Variants in CRIM1 observed in about 807,000 individuals in gnomAD.
CRIM1 encodes the protein cysteine-rich motor neuron 1 protein.
CRIM1 carries 32 observed loss-of-function variants against 116.4 expected under a neutral mutation model. That is an observed-to-expected ratio of 0.27 (90% confidence interval 0.21 to 0.37). The LOEUF is 0.37. Ranked by LOEUF, CRIM1 falls within the 10% of genes least tolerant of loss-of-function variation. The pLI is 1.00. For synonymous variants in CRIM1, 590 were observed against 509.2 expected, an observed-to-expected ratio of 1.16 and a Z score of -2.13; for missense variants, 1,331 against 1,354.8, an observed-to-expected ratio of 0.98 and a Z score of 0.28.
chr2:36,395,739 G>GT (rs1224895118), intron 1 of CRIM1, among the ~76,000 whole-genome samples: 1 of 152,026 alleles, frequency 6.6e-6, no homozygotes, highest in Non-Finnish European at 1.5e-5. Context: ...CACCACTTTA[G>GT]TTTTTTTGTT....
intron 5 of CRIM1, among the ~76,000 whole-genome samples, chr2:36,468,967 C>T (rs1678270825): frequency 6.6e-6 from 1 of 152,178 alleles, no homozygotes; most frequent in South Asian, 2.1e-4. Flanking sequence ...ATAAAACGTT[C>T]CCCAAGTGAG....
chr2:36,524,204 C>T (rs1261162328), intron 13 of CRIM1, among the ~76,000 whole-genome samples: 3 of 152,160 alleles, frequency 2.0e-5, no homozygotes, highest in South Asian at 4.1e-4. Context: ...ATTTTAGCAC[C>T]GGCTTCTCTG....
intron 1 of CRIM1, among the ~76,000 whole-genome samples, chr2:36,362,913 TG>T (rs1187830783): frequency 6.6e-6 from 1 of 152,052 alleles, no homozygotes; most frequent in African/African-American, 2.4e-5. Context: ...TTCAAGAACT[TG>T]GGGCCGGCCG....
intron 7 of CRIM1, among the ~76,000 whole-genome samples, chr2:36,494,860 T>C (rs1456008521): frequency 6.6e-6 from 1 of 152,160 alleles, no homozygotes; most frequent in African/African-American, 2.4e-5. Flanking sequence ...AGGTATTTCT[T>C]TGATTCCTCA....
intron 7 of CRIM1, among the ~76,000 whole-genome samples, chr2:36,496,667 T>C (rs776763798): frequency 6.6e-6 from 1 of 152,188 alleles, no homozygotes; most frequent in African/African-American, 2.4e-5. Flanking sequence ...ATGCTGAATA[T>C]TTTAGGAAAA....
At chr2:36,368,006 A>C (rs577793975) in intron 1 of CRIM1, among the ~76,000 whole-genome samples, 2 of 152,210 alleles carry the variant, frequency 1.3e-5, no homozygotes, top group African/African-American at 4.8e-5. Flanking sequence ...CCAAATTCAC[A>C]TGCTCATTTC....
intron 1 of CRIM1, among the ~76,000 whole-genome samples, chr2:36,387,228 A>T (rs1558526190): frequency 6.6e-6 from 1 of 152,228 alleles, no homozygotes; most frequent in Non-Finnish European, 1.5e-5. Context: ...GAGACAGCTA[A>T]TGACCTGGCT....
At chr2:36,473,591 G>T (rs538569546) in intron 5 of CRIM1, among the ~76,000 whole-genome samples, 3 of 152,044 alleles carry the variant, frequency 2.0e-5, no homozygotes, top group Admixed American at 6.5e-5. Flanking sequence ...CCTATGATGG[G>T]TGTTTCATAT....
Position 36,537,394 on chromosome 2 carries a change from A to G in CRIM1, c.2471A>G (p.Lys824Arg). Residue 824 changes from lysine to arginine, a missense_variant, in exon 14 of 17, where the codon AAG becomes AGG. Around this residue, in one of 3 missense-constraint regions of CRIM1, gnomAD observed 358 missense variants for 436.1 expected, o/e 0.82. Coordinates refer to ENST00000280527, the MANE Select transcript of CRIM1 (RefSeq NM_016441.3). Reference sequence around the variant, plus strand: ...AAGGTGGTGTGCCACTTCAGTGGGAAGGCCTATGCCGACGAGGAGCGGTGG... The same window carrying G: ...AAGGTGGTGTGCCACTTCAGTGGGAGGGCCTATGCCGACGAGGAGCGGTGG... ...PKKVVCHFSGKAYADEERWDL... is the reference protein window; with the variant it reads ...PKKVVCHFSGRAYADEERWDL... 1 of 1,614,240 alleles carries G rather than the reference A, an allele frequency of 6.2e-7. No individual in the cohort carries two copies. Among genetic ancestry groups the G allele is most frequent in the Non-Finnish European group, 8.5e-7 (1 of 1,180,044 alleles).
At chr2:36,491,983 G>GA (rs989182846) in intron 7 of CRIM1, among the ~76,000 whole-genome samples, 3 of 151,970 alleles carry the variant, frequency 2.0e-5, no homozygotes, top group African/African-American at 7.3e-5. Context: ...TGGATTCCTG[G>GA]AAAAAGATAC....
chr2:36,358,666 G>C (rs1245171984), intron 1 of CRIM1, among the ~76,000 whole-genome samples: 1 of 152,060 alleles, frequency 6.6e-6, no homozygotes, highest in Non-Finnish European at 1.5e-5. Context: ...TGCTTGGAAG[G>C]GTTTGTTGAC....
chr2:36,398,356 T>C (rs1257069863), intron 2 of CRIM1, among the ~76,000 whole-genome samples: 1 of 152,170 alleles, frequency 6.6e-6, no homozygotes, highest in African/African-American at 2.4e-5. Context: ...ATGCAGCAGA[T>C]TTTGAATCTA....
intron 5 of CRIM1, among the ~76,000 whole-genome samples, chr2:36,468,977 G>A (rs1678272089): frequency 6.6e-6 from 1 of 152,226 alleles, no homozygotes; most frequent in Admixed American, 6.5e-5. Flanking sequence ...CCCCAAGTGA[G>A]TAAATGAATT....
intron 2 of CRIM1, among the ~76,000 whole-genome samples, chr2:36,418,470 A>G (rs181299858): frequency 1.2e-3 from 177 of 152,204 alleles, no homozygotes; most frequent in African/African-American, 4.0e-3. Flanking sequence ...TATTTTTTGT[A>G]AAGATGGCAT....
At chr2:36,447,020 T>C (rs1168259308) in intron 4 of CRIM1, among the ~76,000 whole-genome samples, 1 of 152,246 alleles carries the variant, frequency 6.6e-6, no homozygotes, top group Non-Finnish European at 1.5e-5. Context: ...AGTCTTTAAG[T>C]GACATATAGA....
intron 1 of CRIM1, among the ~76,000 whole-genome samples, chr2:36,389,362 A>G (rs968761489): frequency 3.3e-5 from 5 of 152,108 alleles, no homozygotes; most frequent in African/African-American, 1.2e-4. Context: ...CAGCGATTTT[A>G]CATTACACTG....
intron 8 of CRIM1, among the ~76,000 whole-genome samples, chr2:36,508,224 A>G (rs1681566287): frequency 6.6e-6 from 1 of 152,226 alleles, no homozygotes; most frequent in South Asian, 2.1e-4. Context: ...TTATATGTGT[A>G]ATAAAAGGTT....
At position 36,454,817 on chromosome 2, in the gene CRIM1, T is replaced by C. The variant is rs550030940; in HGVS notation, c.870-9717T>C. ...TTAGAGGTCACAGACCTTCTTGAGG[T>C]GTCTAGAGTCCCCCTCTACTCTTCT... On this transcript the variant is annotated intron_variant, in intron 4 of 16. Coordinates refer to ENST00000280527, the MANE Select transcript of CRIM1 (RefSeq NM_016441.3). 4.6e-5 allele frequency among the ~76,000 whole-genome samples: 7 copies of C among 152,148 alleles called. No individual in the cohort carries two copies. In the South Asian group the frequency reaches 1.5e-3, roughly 32 times the overall value.
chr2:36,505,972 A>G (rs560778416), intron 8 of CRIM1, among the ~76,000 whole-genome samples: 2 of 152,256 alleles, frequency 1.3e-5, no homozygotes, highest in East Asian at 3.9e-4. Flanking sequence ...CACCTGCTTT[A>G]ACAGATTTGT....
Sources: allele counts gnomAD v4.1 joint callset (sites outside exome capture counted in the v4.1 genomes callset), GRCh38; gene constraint gnomAD v4.1.1; regional missense constraint gnomAD v4.1.1; transcripts MANE v1.5; gene names NCBI Gene and HGNC (gene_info 2026-07-23, HGNC 2026-07-21).